Variants in CHRM3 observed in about 807,000 individuals in gnomAD.
CHRM3 encodes the protein muscarinic acetylcholine receptor M3.
A neutral mutation model predicts 41.8 loss-of-function variants in CHRM3; 11 were observed. That is an observed-to-expected ratio of 0.26 (90% CI 0.17 to 0.44). The LOEUF is 0.44. CHRM3 is among the 20% of genes least tolerant of loss of function. CHRM3 has a pLI of 1.00. For synonymous variants in CHRM3, 297 were observed against 301.4 expected (o/e 0.99, Z 0.15); for missense variants, 571 against 745.4 (o/e 0.77, Z 2.72).
At chr1:239,640,478 C>T (rs564034628) in intron 4 of CHRM3, among the ~76,000 whole-genome samples, 126 of 152,224 alleles carry the variant, frequency 8.3e-4, no homozygotes, top group African/African-American at 2.7e-3. Flanking sequence ...TCAACTTCTT[C>T]GTGGTTTAGT....
At position 239,913,593 on chromosome 1, in the gene CHRM3, G is replaced by T. The variant is rs1431409579; in HGVS notation, c.*4369G>T. On this transcript the variant is annotated 3_prime_UTR_variant, in exon 7 of 7. Transcript: ENST00000676153. ...AGTCAACATTGCAGACCTGAGAAAG[G>T]TTTCTAGAATGGTAACCCAATGTTC... The T allele has an allele frequency of 6.0e-6, 1 of 166,966 alleles. No individual in the cohort carries two copies. Among genetic ancestry groups the T allele is most frequent in the Non-Finnish European group, 1.5e-5 (1 of 68,120 alleles). 10.3% of individuals were successfully genotyped at this position (166,966 alleles called of 1,614,324 possible).
chr1:239,404,730 AT>A (rs869103098), intron 1 of CHRM3, among the ~76,000 whole-genome samples: 8 of 111,708 alleles, frequency 7.2e-5, no homozygotes, highest in African/African-American at 3.3e-4. Flanking sequence ...ATATATATAT[AT>A]ATATATATAT....
At chr1:239,605,400 C>A (rs747873019) in intron 3 of CHRM3, among the ~76,000 whole-genome samples, 21 of 152,152 alleles carry the variant, frequency 1.4e-4, no homozygotes, top group Non-Finnish European at 2.2e-4. Flanking sequence ...TATACCATAT[C>A]GCCAAGGTGT....
intron 1 of CHRM3, among the ~76,000 whole-genome samples, chr1:239,438,023 G>A (rs982961438): frequency 6.6e-6 from 1 of 152,176 alleles, no homozygotes; most frequent in Non-Finnish European, 1.5e-5. Flanking sequence ...AGGTCACATG[G>A]AAAGGAAGCA....
intron 3 of CHRM3, among the ~76,000 whole-genome samples, chr1:239,547,631 A>G (rs2148421581): frequency 6.6e-6 from 1 of 152,300 alleles, no homozygotes; most frequent in East Asian, 1.9e-4. Context: ...CACACAAGGA[A>G]TGGCAGCTAT....
intron 5 of CHRM3, among the ~76,000 whole-genome samples, chr1:239,715,337 G>T: frequency 6.6e-6 from 1 of 152,086 alleles, no homozygotes; most frequent in East Asian, 1.9e-4. Flanking sequence ...TTTTGTCAAT[G>T]ATTTTATTTG....
chr1:239,859,819 T>TTATATATATCTATATA (rs1675468384), intron 6 of CHRM3, among the ~76,000 whole-genome samples: 1 of 131,424 alleles, frequency 7.6e-6, no homozygotes, highest in Non-Finnish European at 1.6e-5. Flanking sequence ...TCTAAGTGTT[T>TTATATATATCTATATA]TATATATATA....
At chr1:239,801,608 T>G (rs976377619) in intron 5 of CHRM3, among the ~76,000 whole-genome samples, 1 of 152,168 alleles carries the variant, frequency 6.6e-6, no homozygotes, top group African/African-American at 2.4e-5. Context: ...CAATACTTTC[T>G]CACAAATATG....
chr1:239,679,023 AGATG>A, intron 5 of CHRM3, among the ~76,000 whole-genome samples: 1 of 117,548 alleles, frequency 8.5e-6, no homozygotes. Context: ...ATAGGTAGAT[AGATG>A]GATAGATAGA....
intron 1 of CHRM3, among the ~76,000 whole-genome samples, chr1:239,440,223 A>G (rs1376055275): frequency 6.6e-6 from 1 of 151,042 alleles, no homozygotes; most frequent in Non-Finnish European, 1.5e-5. Context: ...AAGCCTCTCT[A>G]TAGGGACATT....
chr1:239,388,484 A>C (rs1431257790), intron 1 of CHRM3, among the ~76,000 whole-genome samples: 1 of 152,184 alleles, frequency 6.6e-6, no homozygotes, highest in African/African-American at 2.4e-5. Context: ...AGATAATTTC[A>C]TATTGTGAGA....
chr1:239,730,840 CAG>C (rs145367533), intron 5 of CHRM3, among the ~76,000 whole-genome samples: 32 of 149,840 alleles, frequency 2.1e-4, no homozygotes, highest in Non-Finnish European at 2.4e-4. Context: ...GGAAAGAAGG[CAG>C]AGAGAGAGAG....
intron 5 of CHRM3, among the ~76,000 whole-genome samples, chr1:239,798,246 C>T (rs1669948956): frequency 6.6e-6 from 1 of 152,102 alleles, no homozygotes; most frequent in Admixed American, 6.6e-5. Context: ...TGTTAATCAG[C>T]TGTTTGTTAC....
chr1:239,426,592 A>G (rs935683846), intron 1 of CHRM3, among the ~76,000 whole-genome samples: 1 of 152,112 alleles, frequency 6.6e-6, no homozygotes, highest in Non-Finnish European at 1.5e-5. Context: ...GAAGTGACAG[A>G]GAGCTATTTG....
chr1:239,503,068 G>C (rs1668345456), intron 2 of CHRM3, among the ~76,000 whole-genome samples: 1 of 152,064 alleles, frequency 6.6e-6, no homozygotes, highest in African/African-American at 2.4e-5. Context: ...AGAGCAATCA[G>C]ACACAAGAAA....
intron 3 of CHRM3, among the ~76,000 whole-genome samples, chr1:239,621,911 G>C (rs1385399378): frequency 1.3e-5 from 2 of 152,154 alleles, no homozygotes; most frequent in African/African-American, 4.8e-5. Context: ...TTCAAAGCTA[G>C]AGAGAAGTCA....
At chr1:239,643,428 G>C (rs968559246) in intron 4 of CHRM3, among the ~76,000 whole-genome samples, 1 of 152,182 alleles carries the variant, frequency 6.6e-6, no homozygotes, top group Non-Finnish European at 1.5e-5. Context: ...CACCCAGTTC[G>C]AGCTTCCCAG....
chr1:239,693,395 T>C (rs550863995), intron 5 of CHRM3, among the ~76,000 whole-genome samples: 3 of 152,194 alleles, frequency 2.0e-5, no homozygotes, highest in Admixed American at 2.0e-4. Context: ...AAAGACCATA[T>C]GAGAAGGTGG....
intron 5 of CHRM3, among the ~76,000 whole-genome samples, chr1:239,699,819 C>T (rs78001449): frequency 3.0e-4 from 45 of 152,170 alleles, no homozygotes; most frequent in African/African-American, 9.4e-4. Flanking sequence ...ATAAGGAAAA[C>T]ATATCTCTGA....
Sources: gnomAD v4.1 joint callset for allele counts (sites outside exome capture counted in the v4.1 genomes callset) on GRCh38, gnomAD v4.1.1 for gene constraint, MANE v1.5 for transcripts, NCBI Gene and HGNC (gene_info 2026-07-23, HGNC 2026-07-21) for gene names.